The following IQGAP2 variants were observed in gnomAD, a reference collection of about 807,000 sequenced individuals.
The protein encoded by IQGAP2 is ras GTPase-activating-like protein IQGAP2.
In IQGAP2, 173 loss-of-function variants were observed where a neutral mutation model predicts 201.3. That is an observed-to-expected ratio of 0.86 (90% confidence interval 0.76 to 0.98). The LOEUF is 0.98. Among genes scored for constraint, IQGAP2 ranks in the 50% least tolerant of loss-of-function variants. The probability of loss-of-function intolerance (pLI) is 0.00; values close to 1 mark genes in which losing one functional copy is unlikely to be tolerated. For missense variants in IQGAP2, 1,687 were observed against 1,864.8 expected (o/e 0.90, Z 1.76); for synonymous variants, 675 against 673.9 (o/e 1.00, Z -0.03).
At chr5:76,687,503 A>C (rs1375676138) in intron 30 of IQGAP2, among the ~76,000 whole-genome samples, 1 of 152,238 alleles carries the variant, frequency 6.6e-6, no homozygotes, top group African/African-American at 2.4e-5. Flanking sequence ...GCAGGCAAGG[A>C]AACTAAAGTC....
chr5:76,436,303 G>C (rs1752642710), intron 1 of IQGAP2, among the ~76,000 whole-genome samples: 1 of 151,254 alleles, frequency 6.6e-6, no homozygotes, highest in Admixed American at 6.6e-5. Flanking sequence ...CCAGTACTCA[G>C]GGGGAATGCT....
Position 76,432,437 on chromosome 5 carries a change from T to C in IQGAP2, c.46+28846T>C, listed in dbSNP as rs773627730. Among the ~76,000 whole-genome samples the C allele has an allele frequency of 2.8e-4, 43 of 152,158 alleles. 1 individual carries two copies. The highest frequency in any genetic ancestry group is 6.5e-5 in the Admixed American group (1 of 15,276). On this transcript the variant is annotated intron_variant, in intron 1 of 35. Transcript: ENST00000274364. ...ACCATGCTCAGCCCAGGCTGGTCTA[T>C]TTCTGAGCTAATCTTCTGGGGTGGG...
In IQGAP2 at chr5:76,611,019, G is replaced by C. The variant is rs994491180; in HGVS notation, c.1358-1G>C. 3 of 1,602,376 alleles carry C rather than the reference G, an allele frequency of 1.9e-6. No individual in the cohort carries two copies. The African/African-American group carries it at 4.0e-5, about 22-fold the overall frequency. Reference sequence around the variant, plus strand: ...AGGAAAACTACTTCTTCATTTTCTAGGAGTTGTAGCTGTAGGGTACATCAA... The same window carrying C: ...AGGAAAACTACTTCTTCATTTTCTACGAGTTGTAGCTGTAGGGTACATCAA... On this transcript the variant is annotated splice_acceptor_variant, in intron 12 of 35. Transcript: ENST00000274364. LOFTEE classifies it high-confidence loss of function.
chr5:76,477,354 A>G (rs1755494645), intron 2 of IQGAP2, among the ~76,000 whole-genome samples: 1 of 152,190 alleles, frequency 6.6e-6, no homozygotes, highest in Admixed American at 6.5e-5. Context: ...TCAAAACAAA[A>G]TAAAACATTA....
intron 30 of IQGAP2, among the ~76,000 whole-genome samples, chr5:76,692,834 C>A (rs527868425): frequency 7.2e-5 from 11 of 152,322 alleles, no homozygotes; most frequent in African/African-American, 2.2e-4. Flanking sequence ...CCACACTGAA[C>A]GTTCGCTCCC....
At chr5:76,441,915 G>A (rs1044532095) in intron 1 of IQGAP2, among the ~76,000 whole-genome samples, 1 of 152,168 alleles carries the variant, frequency 6.6e-6, no homozygotes, top group African/African-American at 2.4e-5. Context: ...ATGGTACTCA[G>A]CTTTTCTCGT....
chr5:76,619,880 A>C (rs2069670), intron 13 of IQGAP2, among the ~76,000 whole-genome samples: 36 of 152,260 alleles, frequency 2.4e-4, no homozygotes, highest in African/African-American at 8.4e-4. Context: ...TAATCATAAC[A>C]GTCCATATAA....
chr5:76,503,185 T>C (rs1757383413), intron 2 of IQGAP2, among the ~76,000 whole-genome samples: 1 of 148,922 alleles, frequency 6.7e-6, no homozygotes, highest in Non-Finnish European at 1.5e-5. Flanking sequence ...TTTTTTTTTT[T>C]TTTTTTGAGA....
chr5:76,520,735 A>C (rs577862531), intron 2 of IQGAP2, among the ~76,000 whole-genome samples: 2 of 116,506 alleles, frequency 1.7e-5, no homozygotes, highest in African/African-American at 6.9e-5. Context: ...ACGGAGTCTC[A>C]CTCTGTCACG....
chr5:76,681,291 A>G (rs1745272089), intron 28 of IQGAP2, among the ~76,000 whole-genome samples: 1 of 152,078 alleles, frequency 6.6e-6, no homozygotes, highest in Non-Finnish European at 1.5e-5. Context: ...AAGATAATGT[A>G]TGGAATGGGA....
intron 1 of IQGAP2, among the ~76,000 whole-genome samples, chr5:76,450,916 C>G (rs6859929): frequency 6.6e-6 from 1 of 151,872 alleles, no homozygotes; most frequent in East Asian, 1.9e-4. Context: ...TTTTGGCAAT[C>G]TTTTTTAAAT....
chr5:76,635,713 A>C (rs1329693607), intron 15 of IQGAP2, among the ~76,000 whole-genome samples: 1 of 151,952 alleles, frequency 6.6e-6, no homozygotes, highest in East Asian at 1.9e-4. Context: ...GTGTTGCATG[A>C]TCCTGTGGTC....
At chr5:76,404,065 T>G (rs1750659579) in intron 1 of IQGAP2, among the ~76,000 whole-genome samples, 1 of 152,172 alleles carries the variant, frequency 6.6e-6, no homozygotes, top group Non-Finnish European at 1.5e-5. Context: ...CAAAGCCGGC[T>G]TGACTGGAAG....
chr5:76,659,625 A>G (rs772092737), intron 21 of IQGAP2, among the ~76,000 whole-genome samples: 7 of 152,222 alleles, frequency 4.6e-5, no homozygotes, highest in Non-Finnish European at 1.0e-4. Context: ...AATTACAAAC[A>G]GAATCTTGAC....
intron 15 of IQGAP2, among the ~76,000 whole-genome samples, chr5:76,635,324 T>C (rs1374262036): frequency 6.6e-6 from 1 of 152,262 alleles, no homozygotes; most frequent in South Asian, 2.1e-4. Context: ...TCAAGTGAGC[T>C]TTAGACTCAT....
intron 13 of IQGAP2, chr5:76,624,189 A>T (rs1196622311): frequency 6.6e-6 from 1 of 152,176 alleles, no homozygotes; most frequent in Non-Finnish European, 1.5e-5. Flanking sequence ...CAGTTCAGTA[A>T]TGTTAAATAC....
intron 20 of IQGAP2, among the ~76,000 whole-genome samples, chr5:76,655,748 G>T (rs975824487): frequency 6.6e-6 from 1 of 152,218 alleles, no homozygotes. Flanking sequence ...ATAAAAATTT[G>T]TAGAAAGTTT....
chr5:76,576,089 G>C lies in IQGAP2; in HGVS notation c.458+320G>C, dbSNP rs542563846. Reference sequence around the variant, plus strand: ...AATTGTAATGTACTACTATATTCTTGAGTTATGACCTAGTTTACAAATATA... The same window carrying C: ...AATTGTAATGTACTACTATATTCTTCAGTTATGACCTAGTTTACAAATATA... On this transcript the variant is annotated intron_variant, in intron 5 of 35. Transcript: ENST00000274364. Among the ~76,000 whole-genome samples, 6 of 152,264 alleles carry C rather than the reference G, an allele frequency of 3.9e-5. No homozygotes were observed. In the East Asian group the frequency reaches 9.6e-4, roughly 24 times the overall value.
intron 13 of IQGAP2, chr5:76,623,410 A>G: frequency 1.6e-6 from 1 of 629,526 alleles, no homozygotes; most frequent in South Asian, 2.0e-5. Context: ...AAAGGATGTA[A>G]TCCACTCGAT....
Sources: gnomAD v4.1 joint callset for allele counts (sites outside exome capture counted in the v4.1 genomes callset) on GRCh38, gnomAD v4.1.1 for gene constraint, MANE v1.5 for transcripts, NCBI Gene and HGNC (gene_info 2026-07-23, HGNC 2026-07-21) for gene names.